Variants in HGD observed in about 807,000 individuals in gnomAD.
HGD encodes the protein homogentisate oxidase.
Under a neutral mutation model 60.8 loss-of-function variants are expected in HGD, and 61 were observed. That is an observed-to-expected ratio of 1.00 (90% CI 0.82 to 1.24). HGD has a LOEUF of 1.24. Ranked by LOEUF, HGD falls within the 50% of genes most tolerant of loss-of-function variation. The pLI is 0.00. For missense variants in HGD, 542 were observed against 547.1 expected (o/e 0.99, Z 0.09); for synonymous variants, 212 against 187.7 (o/e 1.13, Z -1.06).
intron 8 of HGD, among the ~76,000 whole-genome samples, chr3:120,646,650 C>A (rs1190648812): frequency 1.3e-5 from 2 of 150,088 alleles, no homozygotes; most frequent in African/African-American, 4.9e-5. Flanking sequence ...CCTGATTTAG[C>A]CACACTAAAA....
rs1439654127 is a variant in HGD at position 120,633,629 on chromosome 3, A to G, written c.1007-301T>C. 10 of 1,332,486 alleles carry G rather than the reference A, an allele frequency of 7.5e-6. No individual in the cohort carries two copies. In the South Asian group the frequency reaches 9.8e-5, roughly 13 times the overall value. 82.5% of individuals were successfully genotyped at this position (1,332,486 alleles called of 1,614,324 possible). Reference sequence around the variant, plus strand: ...GGGCCCAGAGAAGATAATAATAATTAAAATGCTAGTCATAATAGAGAGCGA... The same window carrying G: ...GGGCCCAGAGAAGATAATAATAATTGAAATGCTAGTCATAATAGAGAGCGA... On this transcript the variant is annotated intron_variant, in intron 12 of 13. Transcript: ENST00000283871.
chr3:120,660,034 G>A (rs896075303), intron 4 of HGD, among the ~76,000 whole-genome samples: 1 of 152,032 alleles, frequency 6.6e-6, no homozygotes, highest in Admixed American at 6.6e-5. Flanking sequence ...GTTCTCATGA[G>A]ATCTGGTCTT....
intron 1 of HGD, among the ~76,000 whole-genome samples, chr3:120,681,714 A>G (rs1708233262): frequency 6.6e-6 from 1 of 152,196 alleles, no homozygotes; most frequent in Non-Finnish European, 1.5e-5. Context: ...GATCAAGCAT[A>G]TCTAACTGGT....
intron 1 of HGD, among the ~76,000 whole-genome samples, chr3:120,677,360 T>A (rs1261212555): frequency 1.3e-5 from 2 of 152,086 alleles, no homozygotes; most frequent in African/African-American, 2.4e-5. Context: ...GCATGGAACA[T>A]CCCTGAGAAA....
chr3:120,652,971 AT>A (rs1941388946), intron 4 of HGD, among the ~76,000 whole-genome samples: 1 of 152,164 alleles, frequency 6.6e-6, no homozygotes. Flanking sequence ...TTCTTTTAAC[AT>A]TTTGCCCAGG....
chr3:120,669,618 C>T (rs537819765), intron 4 of HGD, among the ~76,000 whole-genome samples: 2 of 152,280 alleles, frequency 1.3e-5, no homozygotes, highest in Admixed American at 1.3e-4. Flanking sequence ...ATCATGGTGA[C>T]ACACTATTAA....
chr3:120,637,307 G>GGA (rs1940815881), intron 12 of HGD, among the ~76,000 whole-genome samples: 2 of 113,752 alleles, frequency 1.8e-5, no homozygotes, highest in Admixed American at 9.3e-5. Flanking sequence ...TTAATTTTCT[G>GGA]AAAAAAAAAA....
intron 4 of HGD, among the ~76,000 whole-genome samples, chr3:120,656,374 T>C (rs1941494908): frequency 1.3e-5 from 2 of 152,344 alleles, no homozygotes; most frequent in East Asian, 1.9e-4. Context: ...TATTGTTAAA[T>C]AGCTTCTTCT....
intron 10 of HGD, among the ~76,000 whole-genome samples, chr3:120,642,923 G>A (rs1941034991): frequency 6.6e-6 from 1 of 152,132 alleles, no homozygotes; most frequent in African/African-American, 2.4e-5. Flanking sequence ...GGATCAGTGG[G>A]GACTCACACA....
In HGD at chr3:120,676,728, A is replaced by G. The variant is rs189254829; in HGVS notation, c.16-865T>C. On this transcript the variant is annotated intron_variant, in intron 1 of 13. Transcript: ENST00000283871. The stretch of plus-strand genomic sequence containing the variant: ...CCTTTTTGCTCTAACTTAAATACCA[A>G]TTGATTTTAGCCCAGGATAATGAAA... Among the ~76,000 whole-genome samples, 12 of 152,308 alleles carry G rather than the reference A, an allele frequency of 7.9e-5. No homozygotes were observed. The South Asian group carries it at 8.3e-4, about 11-fold the overall frequency.
intron 13 of HGD, among the ~76,000 whole-genome samples, chr3:120,629,110 G>T (rs1042665122): frequency 2.6e-5 from 4 of 152,186 alleles, no homozygotes; most frequent in African/African-American, 9.6e-5. Flanking sequence ...AGGAATGGCT[G>T]TAGCACTTTT....
intron 10 of HGD, among the ~76,000 whole-genome samples, chr3:120,642,387 T>C (rs1050297890): frequency 2.6e-5 from 4 of 152,136 alleles, no homozygotes; most frequent in East Asian, 1.9e-4. Flanking sequence ...AGCCTAGCAA[T>C]AGCGGGAAGA....
intron 4 of HGD, among the ~76,000 whole-genome samples, chr3:120,666,777 G>T (rs1045989255): frequency 2.6e-5 from 4 of 152,082 alleles, no homozygotes; most frequent in African/African-American, 9.7e-5. Flanking sequence ...CTCCCAAAGT[G>T]CTGGGATTAC....
At position 120,628,529 on chromosome 3, in the gene HGD, C is replaced by T. The variant is rs373918530; in HGVS notation, c.1189G>A (p.Ala397Thr). 3.8e-5 allele frequency: 62 copies of T among 1,613,718 alleles called. No individual in the cohort carries two copies. The highest frequency in any genetic ancestry group is 4.8e-5 in the Non-Finnish European group (57 of 1,179,894). The change falls in exon 14 of 14, where the codon GCA becomes ACA. Residue 397 changes from alanine to threonine, a missense_variant and splice_region_variant. Physicochemically the swap from Ala to Thr is moderately conservative, Grantham distance 58. Coordinates refer to ENST00000283871, the MANE Select transcript of HGD (RefSeq NM_000187.4). ...CTTAAAGATGATTCAAACATAAATG[C>T]CTGGAGGAAGTGACGATGGGGATGA... ...APERIADGTM[A>T]FMFESSLSLA...
intron 3 of HGD, among the ~76,000 whole-genome samples, chr3:120,673,633 T>C (rs1708068671): frequency 6.6e-6 from 1 of 152,196 alleles, no homozygotes; most frequent in African/African-American, 2.4e-5. Context: ...GTACTGTTGA[T>C]ACTGACATTG....
chr3:120,675,739 A>AG, intron 2 of HGD, 53 bp downstream of exon 2: 1 of 1,404,278 alleles, frequency 7.1e-7, no homozygotes, highest in Non-Finnish European at 1.0e-6. Context: ...CCTGAAAGCT[A>AG]GTCATCCAGG....
At position 120,641,577 on chromosome 3, in the gene HGD, G is replaced by A; in HGVS notation, c.879+12C>T. ...TGCCTCATCCCAAGGCCCCTACAGGGTTCAGACTTACTGCATGGTCAAAGG... is the reference window on the plus strand; with the variant it reads ...TGCCTCATCCCAAGGCCCCTACAGGATTCAGACTTACTGCATGGTCAAAGG... On this transcript the variant is annotated intron_variant, in intron 11 of 13. Transcript: ENST00000283871. The A allele has an allele frequency of 1.3e-6, 2 of 1,580,220 alleles. No homozygotes were observed. Among genetic ancestry groups the A allele is most frequent in the Non-Finnish European group, 1.7e-6 (2 of 1,149,196 alleles).
chr3:120,669,197 A>G (rs900368675), intron 4 of HGD, among the ~76,000 whole-genome samples: 3 of 152,210 alleles, frequency 2.0e-5, no homozygotes, highest in African/African-American at 7.2e-5. Context: ...GCCAGATTTC[A>G]AAGGCCTCTC....
At chr3:120,653,694 C>T (rs970615722) in intron 4 of HGD, among the ~76,000 whole-genome samples, 2 of 152,188 alleles carry the variant, frequency 1.3e-5, no homozygotes, top group Non-Finnish European at 2.9e-5. Flanking sequence ...GGAAACAGTG[C>T]TGAAATCATG....
Sources: allele counts gnomAD v4.1 joint callset (sites outside exome capture counted in the v4.1 genomes callset), GRCh38; gene constraint gnomAD v4.1.1; transcripts MANE v1.5; gene names NCBI Gene and HGNC (gene_info 2026-07-23, HGNC 2026-07-21).